Variants in IFRD2 observed in about 807,000 individuals in gnomAD.
IFRD2 encodes interferon-related developmental regulator 2.
A neutral mutation model predicts 49.2 loss-of-function variants in IFRD2; 35 were observed. The observed-to-expected ratio is 0.71, with a 90% confidence interval of 0.54 to 0.94. The LOEUF (loss-of-function observed/expected upper bound fraction) is 0.94, where lower values mean the gene tolerates loss of function less well. IFRD2 is among the 40% of genes least tolerant of loss of function. The probability of loss-of-function intolerance (pLI) is 0.00; values close to 1 mark genes in which losing one functional copy is unlikely to be tolerated. For missense variants in IFRD2, 561 were observed against 591.6 expected (o/e 0.95, Z 0.54); for synonymous variants, 275 against 239.7 (o/e 1.15, Z -1.36).
intron 2 of IFRD2, 42 bp downstream of exon 2, chr3:50,290,518 G>A (rs1553709647): frequency 6.2e-7 from 1 of 1,605,606 alleles, no homozygotes; most frequent in African/African-American, 1.3e-5. Context: ...TCAGCCCATG[G>A]AGCCCTCACC....
rs1330240613 is a variant in IFRD2, at chr3:50,292,346, G to A, written c.-72C>T. On this transcript the variant is annotated 5_prime_UTR_variant, in exon 1 of 12. Transcript: ENST00000417626. ...GTGGGCTCCAGGCCAACGAGACGCC[G>A]GCCGGTGCGCTGCGCTGAGACTTGG... 25 of 1,566,598 alleles carry A rather than the reference G, an allele frequency of 1.6e-5. No homozygotes were observed. Among genetic ancestry groups the A allele is most frequent in the Non-Finnish European group, 2.1e-5 (24 of 1,159,926 alleles).
chr3:50,289,572 C>T lies in IFRD2; in HGVS notation c.654G>A (p.Leu218=), dbSNP rs781939459. 2 of 1,582,754 alleles carry T rather than the reference C, an allele frequency of 1.3e-6. No homozygotes were observed. The highest frequency in any genetic ancestry group is 1.7e-4 in the Middle Eastern group (1 of 6,038). ...CCACAGGACTTGTGGAGCTGCCCCC[C>T]AAGCCATAGAACCGGCTGAAAACAC... ...LESVFSRFYG[L]GGSSTSPVVP... The change falls in exon 7 of 12, where the codon TTG becomes TTA. Residue 218 remains leucine (L), a synonymous_variant. Coordinates refer to ENST00000417626, the MANE Select transcript of IFRD2 (RefSeq NM_006764.5).
chr3:50,289,153 C>A, intron 8 of IFRD2, 102 bp downstream of exon 8: 4 of 1,208,632 alleles, frequency 3.3e-6, no homozygotes, highest in Non-Finnish European at 4.8e-6. Flanking sequence ...ACCTCCTCTG[C>A]ATAATGACCT....
chr3:50,290,762 A>T (rs1235033818), intron 1 of IFRD2, 83 bp from the exon 2 acceptor site: 6 of 1,526,938 alleles, frequency 3.9e-6, no homozygotes, highest in South Asian at 2.4e-5. Flanking sequence ...TCATAATCCC[A>T]AAAGATAGAA....
intron 6 of IFRD2, 37 bp downstream of exon 6, chr3:50,289,675 C>T (rs782343979): frequency 1.3e-6 from 2 of 1,594,770 alleles, no homozygotes; most frequent in African/African-American, 2.7e-5. Flanking sequence ...AGTTACAGCC[C>T]TAGATGCTCT....
intron 8 of IFRD2, 103 bp downstream of exon 8, chr3:50,289,151 TG>T (rs1340879230): frequency 2.5e-6 from 3 of 1,202,544 alleles, no homozygotes; most frequent in Non-Finnish European, 3.6e-6. Flanking sequence ...CCACCTCCTC[TG>T]CATAATGACC....
At position 50,288,258 on chromosome 3, in the gene IFRD2, G is replaced by A. The variant is rs782404504; in HGVS notation, c.1262C>T (p.Ala421Val). The A allele has an allele frequency of 4.2e-5, 67 of 1,613,794 alleles. No homozygotes were observed. Among genetic ancestry groups the A allele is most frequent in the Non-Finnish European group, 5.3e-5 (63 of 1,179,826 alleles). ...CTTGGTCCGGGCTTTGAAGGCAGCA[G>A]CATTGTACAGGTGCTAGAGTGGGGA... is the stretch of plus-strand genomic sequence containing the variant. The part of the protein sequence containing the change: ...VPRFEKHLYN[A>V]AAFKARTKAR... The change falls in exon 12 of 12, where the codon GCT (alanine) becomes GTT (valine). Residue 421 changes from alanine (A) to valine (V), a missense_variant. Transcript: ENST00000417626.
intron 1 of IFRD2, among the ~76,000 whole-genome samples, chr3:50,291,236 C>G (rs1317993807): frequency 6.6e-6 from 1 of 152,122 alleles, no homozygotes; most frequent in Non-Finnish European, 1.5e-5. Flanking sequence ...TCTCGAACTC[C>G]TGGCCTCAGG....
chr3:50,289,897 G>A (rs754748974), intron 5 of IFRD2, 32 bp downstream of exon 5: 3 of 1,611,582 alleles, frequency 1.9e-6, no homozygotes, highest in Non-Finnish European at 2.5e-6. Flanking sequence ...ATAAGGTGCA[G>A]GAAGGGTTTC....
Position 50,288,286 on chromosome 3 carries a change from G to A in IFRD2, c.1249-15C>T. The A allele has an allele frequency of 6.2e-7, 1 of 1,613,168 alleles. No individual in the cohort carries two copies. On this transcript the variant is annotated splice_polypyrimidine_tract_variant and intron_variant, in intron 11 of 11. Coordinates refer to ENST00000417626, the MANE Select transcript of IFRD2 (RefSeq NM_006764.5). ...TTGTACAGGTGCTAGAGTGGGGACAGAGAGTGACACCCTGGGGAGCTGGGA... is the reference window on the plus strand; with the variant it reads ...TTGTACAGGTGCTAGAGTGGGGACAAAGAGTGACACCCTGGGGAGCTGGGA...
In IFRD2 at chr3:50,288,439, C is replaced by A. The variant is rs372680234; in HGVS notation, c.1218G>T (p.Leu406=). Reference sequence around the variant, plus strand: ...CAAAGCGTGGAACCTTGCAGGCCTTCAGGGCAGTGGCATCCAGCAACAGCA... The same window carrying A: ...CAAAGCGTGGAACCTTGCAGGCCTTAAGGGCAGTGGCATCCAGCAACAGCA... ...GPVLLLDATA[L]KACKVPRFEK... is the part of the protein sequence containing the mutation. Residue 406 remains leucine (L), a synonymous_variant, in exon 11 of 12, where the codon CTG becomes CTT. Coordinates refer to ENST00000417626, the MANE Select transcript of IFRD2 (RefSeq NM_006764.5). The A allele has an allele frequency of 9.6e-5, 155 of 1,613,574 alleles. 1 individual carries two copies. In the African/African-American group the frequency reaches 1.7e-3, roughly 18 times the overall value.
At chr3:50,289,851 G>A in intron 5 of IFRD2, 78 bp downstream of exon 5, 1 of 1,593,328 alleles carries the variant, frequency 6.3e-7, no homozygotes. Flanking sequence ...AGTAAAGGAG[G>A]CTGAAGATAG....
chr3:50,290,247 G>A lies in IFRD2; in HGVS notation c.311C>T (p.Ala104Val), dbSNP rs782217307. The A allele has an allele frequency of 1.6e-5, 26 of 1,612,882 alleles. 1 individual carries two copies. The highest frequency in any genetic ancestry group is 1.2e-4 in the South Asian group (11 of 90,928). The change falls in exon 4 of 12, where the codon GCG becomes GTG. Residue 104 changes from alanine (A) to valine (V), a missense_variant. By Grantham distance (64) the Ala-to-Val change is moderately conservative (BLOSUM62 0). Transcript: ENST00000417626. ...CAAGAAGTCGGGGAGTAGGCGGGACGCTAGGGCCAGGCGCAGGCTCTCAAG... is the reference window on the plus strand; with the variant it reads ...CAAGAAGTCGGGGAGTAGGCGGGACACTAGGGCCAGGCGCAGGCTCTCAAG... ...GALESLRLAL[A>V]SRLLPDFLLE...
chr3:50,292,143 G>T, intron 1 of IFRD2, 74 bp downstream of exon 1: 1 of 1,399,066 alleles, frequency 7.1e-7, no homozygotes, highest in South Asian at 1.5e-5. Flanking sequence ...GGGCCCTCGA[G>T]AACAACCAAG....
Position 50,292,248 on chromosome 3 carries a change from C to T in IFRD2, c.27G>A (p.Thr9=), listed in dbSNP as rs6788251. 8.6e-6 allele frequency: 13 copies of T among 1,518,012 alleles called. No individual in the cohort carries two copies. The South Asian group carries it at 1.7e-4, about 20-fold the overall frequency. The allele number at this position is 1,518,012 out of a possible 1,614,324, so 94.0% of individuals were successfully genotyped here. A position where few individuals can be genotyped will look rare whatever the true frequency, so the allele number is the denominator to read the frequency against. The change falls in exon 1 of 12, where the codon ACG becomes ACA. Residue 9 remains threonine, a synonymous_variant. Coordinates refer to ENST00000417626, the MANE Select transcript of IFRD2 (RefSeq NM_006764.5). ...CACGGCGCTGACCACCCTTCCGGAG[C>T]GTGTTGCCCTTACGGGCGCGAGGCA... The part of the protein sequence containing the change: MPRARKGN[T]LRKGGQRRGG...
chr3:50,289,328 C>G lies in IFRD2; in HGVS notation c.812G>C (p.Ser271Thr). 6.2e-7 allele frequency: 1 copy of G among 1,601,600 alleles called. No individual in the cohort carries two copies. The highest frequency in any genetic ancestry group is 8.5e-7 in the Non-Finnish European group (1 of 1,174,356). Residue 271 changes from serine (S) to threonine (T), a missense_variant, in exon 8 of 12, where the codon AGT (serine) becomes ACT (threonine). By Grantham distance (58) the Ser-to-Thr change is moderately conservative (BLOSUM62 1). Transcript: ENST00000417626. ...QLPRLPQLLS[S>T]ESVNLRIAAG... The stretch of plus-strand genomic sequence containing the variant: ...AGCGATCCGCAGGTTCACACTTTCA[C>G]TGGACAAGAGCTGGGGCAGCCGGGG...
rs782374873 is a variant in IFRD2 at position 50,288,639 on chromosome 3, G to A, written c.1096C>T (p.Arg366Trp). ...ACTTCCTTGAAGGCAGCGTAGATCC[G>A]GTGCCGAGCCCAGCTGTCCATGTAG... ...VLYMDSWARHRIYAAFKEVLG... is the reference protein window; with the variant it reads ...VLYMDSWARHWIYAAFKEVLG... The change falls in exon 10 of 12, where the codon CGG becomes TGG. Residue 366 changes from arginine to tryptophan, a missense_variant. Transcript: ENST00000417626. The A allele has an allele frequency of 3.1e-6, 5 of 1,613,244 alleles. No homozygotes were observed. The South Asian group carries it at 3.3e-5, about 11-fold the overall frequency.
At chr3:50,291,957 G>A (rs1701684656) in intron 1 of IFRD2, 3 of 495,018 alleles carry the variant, frequency 6.1e-6, no homozygotes, top group East Asian at 3.4e-5. Context: ...CACCCAGCAG[G>A]CAACTGAGGC....
intron 1 of IFRD2, among the ~76,000 whole-genome samples, chr3:50,291,556 G>T (rs1253238028): frequency 6.6e-6 from 1 of 152,128 alleles, no homozygotes; most frequent in Non-Finnish European, 1.5e-5. Flanking sequence ...CACCATGGTG[G>T]TGACCAGTTT....
Sources: allele counts gnomAD v4.1 joint callset (sites outside exome capture counted in the v4.1 genomes callset), GRCh38; gene constraint gnomAD v4.1.1; transcripts MANE v1.5; gene names NCBI Gene and HGNC (gene_info 2026-07-23, HGNC 2026-07-21).